The following SLC5A12 variants were observed in gnomAD, a reference collection of about 807,000 sequenced individuals.
SLC5A12 encodes the protein sodium-coupled monocarboxylate transporter 2.
A neutral mutation model predicts 72.7 loss-of-function variants in SLC5A12; 46 were observed. That is an observed-to-expected ratio of 0.63 (90% CI 0.50 to 0.81). The LOEUF is 0.81. SLC5A12 is among the 30% of genes least tolerant of loss of function. SLC5A12 has a pLI of 0.00. For missense variants in SLC5A12, 683 were observed against 740.7 expected (o/e 0.92, Z 0.90); for synonymous variants, 275 against 264.4 (o/e 1.04, Z -0.39).
chr11:26,669,109 T>C lies in SLC5A12; in HGVS notation c.*1993A>G, dbSNP rs1022080508. 5 of 151,538 alleles carry C rather than the reference T, an allele frequency of 3.3e-5. No individual in the cohort carries two copies. Among genetic ancestry groups the C allele is most frequent in the African/African-American group, 1.2e-4 (5 of 41,284 alleles). The allele number at this position is 151,538 out of a possible 1,614,324, so 9.4% of individuals were successfully genotyped here. On this transcript the variant is annotated 3_prime_UTR_variant, in exon 15 of 15. Transcript: ENST00000396005. ...TGTAATACCTACCATTAATTTATTC[T>C]CATCCTCAGAATTGCTGTTTTTTTA...
chr11:26,712,493 A>G lies in SLC5A12; in HGVS notation c.405+148T>C, dbSNP rs962940572. On this transcript the variant is annotated intron_variant, in intron 2 of 14. Transcript: ENST00000396005. The stretch of plus-strand genomic sequence containing the variant: ...CAATATACATTTGTTTGTTATTTTT[A>G]GTACATATTAAAAGTGCTATCTTTG... The G allele has an allele frequency of 8.6e-6, 4 of 463,016 alleles. No individual in the cohort carries two copies. The Admixed American group carries it at 1.2e-4, about 14-fold the overall frequency. 28.7% of individuals were successfully genotyped at this position (463,016 alleles called of 1,614,324 possible).
intron 9 of SLC5A12, 71 bp from the exon 10 acceptor site, chr11:26,686,615 C>T: frequency 7.4e-7 from 1 of 1,342,548 alleles, no homozygotes; most frequent in Non-Finnish European, 1.1e-6. Flanking sequence ...CTTGAGCCCC[C>T]ACTCAGAACT....
chr11:26,670,332 A>T lies in SLC5A12; in HGVS notation c.*770T>A, dbSNP rs896718600. The T allele has an allele frequency of 2.6e-5, 4 of 152,066 alleles. No individual in the cohort carries two copies. The highest frequency in any genetic ancestry group is 9.7e-5 in the African/African-American group (4 of 41,416). 9.4% of individuals were successfully genotyped at this position (152,066 alleles called of 1,614,324 possible). ...CCTTAGCCCTGGAAAAAGGCTCTAGACTTCTTATTGAGCTCTGAGGCAATT... is the reference window on the plus strand; with the variant it reads ...CCTTAGCCCTGGAAAAAGGCTCTAGTCTTCTTATTGAGCTCTGAGGCAATT... On this transcript the variant is annotated 3_prime_UTR_variant, in exon 15 of 15. Coordinates refer to ENST00000396005, the MANE Select transcript of SLC5A12 (RefSeq NM_178498.4).
At position 26,668,644 on chromosome 11, in the gene SLC5A12, T is replaced by C. The variant is rs1854054652; in HGVS notation, c.*2458A>G. ...ATACACTATGGAAGACAGTTTCCTG[T>C]AGATTCCCATCTGCTCTCTACCTGA... is the stretch of plus-strand genomic sequence containing the variant. On this transcript the variant is annotated 3_prime_UTR_variant, in exon 15 of 15. Transcript: ENST00000396005. 2 of 152,022 alleles carry C rather than the reference T, an allele frequency of 1.3e-5. No homozygotes were observed. The highest frequency in any genetic ancestry group is 6.6e-5 in the Admixed American group (1 of 15,228). The allele number at this position is 152,022 out of a possible 1,614,324, so 9.4% of individuals were successfully genotyped here.
chr11:26,691,663 T>C (rs1411132966), intron 9 of SLC5A12: 1 of 152,182 alleles, frequency 6.6e-6, no homozygotes, highest in Non-Finnish European at 1.5e-5. Flanking sequence ...CAAAGTTAGA[T>C]AGATATAATT....
Position 26,706,167 on chromosome 11 carries a change from C to T in SLC5A12, c.526-2220G>A, listed in dbSNP as rs528969440. On this transcript the variant is annotated intron_variant, in intron 4 of 14. Transcript: ENST00000396005. ...CCACAGGCTTAGCAGAGTAAAGAGA[C>T]GGCAATATGAGCAAAGGTGAAGCCT... 2.5e-4 allele frequency among the ~76,000 whole-genome samples: 38 copies of T among 152,032 alleles called. No homozygotes were observed. The South Asian group carries it at 7.5e-3, about 30-fold the overall frequency.
intron 1 of SLC5A12, among the ~76,000 whole-genome samples, chr11:26,718,240 G>T (rs1855397061): frequency 6.6e-6 from 1 of 152,156 alleles, no homozygotes; most frequent in South Asian, 2.1e-4. Flanking sequence ...CTCTTACATA[G>T]TATTTACTAT....
chr11:26,716,394 T>C (rs1855350389), intron 1 of SLC5A12: 1 of 152,208 alleles, frequency 6.6e-6, no homozygotes, highest in African/African-American at 2.4e-5. Context: ...CATAATTCTA[T>C]ATCTGAAAGA....
intron 13 of SLC5A12, among the ~76,000 whole-genome samples, chr11:26,677,607 T>A: frequency 6.6e-6 from 1 of 152,136 alleles, no homozygotes; most frequent in East Asian, 1.9e-4. Context: ...CTGAAACCAT[T>A]TACATAAAGA....
rs766231979 is a variant in SLC5A12, at chr11:26,721,994, C to T, written c.-280G>A. 2.4e-6 allele frequency: 1 copy of T among 417,662 alleles called. No homozygotes were observed. Among genetic ancestry groups the T allele is most frequent in the South Asian group, 3.6e-5 (1 of 27,918 alleles). The allele number at this position is 417,662 out of a possible 1,614,324, so 25.9% of individuals were successfully genotyped here. A position where few individuals can be genotyped will look rare whatever the true frequency, so the allele number is the denominator to read the frequency against. ...TAGCTAAGAGCTGTCTGCTCCTCTC[C>T]TAAAGCATATGCCACAGAGAAGGAA... On this transcript the variant is annotated 5_prime_UTR_variant, in exon 1 of 15. The change abolishes the stop of an existing upstream ORF in the 5' untranslated region. Coordinates refer to ENST00000396005, the MANE Select transcript of SLC5A12 (RefSeq NM_178498.4).
rs185325763 is a variant in SLC5A12 at position 26,721,508 on chromosome 11, C to T, written c.207G>A (p.Gly69=). ...CAAAGCGGTAGACTTCAGAAGGGGTCCCCAGGACCGTGACAGCTGACATGA... is the reference window on the plus strand; with the variant it reads ...CAAAGCGGTAGACTTCAGAAGGGGTTCCCAGGACCGTGACAGCTGACATGA... The part of the protein sequence containing the change: ...ASFMSAVTVL[G]TPSEVYRFGA... The change falls in exon 1 of 15, where the codon GGG becomes GGA. Residue 69 remains glycine, a synonymous_variant. Coordinates refer to ENST00000396005, the MANE Select transcript of SLC5A12 (RefSeq NM_178498.4). The T allele has an allele frequency of 1.2e-6, 2 of 1,614,036 alleles. No individual in the cohort carries two copies. The highest frequency in any genetic ancestry group is 1.7e-6 in the Non-Finnish European group (2 of 1,180,012).
chr11:26,675,838 G>T (rs1854252168), intron 13 of SLC5A12, among the ~76,000 whole-genome samples: 1 of 152,098 alleles, frequency 6.6e-6, no homozygotes, highest in Non-Finnish European at 1.5e-5. Flanking sequence ...TGGAAGTTAG[G>T]AAAGTCAGAT....
chr11:26,720,942 A>G (rs921745006), intron 1 of SLC5A12, among the ~76,000 whole-genome samples: 1 of 152,212 alleles, frequency 6.6e-6, no homozygotes, highest in Non-Finnish European at 1.5e-5. Context: ...TTAGGTTCTC[A>G]GGTCACTTTA....
chr11:26,699,673 A>C (rs545087497), intron 6 of SLC5A12, among the ~76,000 whole-genome samples: 1 of 152,222 alleles, frequency 6.6e-6, no homozygotes, highest in Admixed American at 6.5e-5. Context: ...GCTGTCTCCA[A>C]CCTTCAGGCC....
At position 26,671,235 on chromosome 11, in the gene SLC5A12, C is replaced by A; in HGVS notation, c.1724G>T (p.Gly575Val). The part of the protein sequence containing the change: ...SGTEQENLEN[G>V]SARKQGAESV... ...TTCAGCCCCCTGTTTCCGGGCACTG[C>A]CATTCTCAAGGTTTTCCTGAGGGAA... Residue 575 changes from glycine (G) to valine (V), a missense_variant, in exon 15 of 15, where the codon GGC becomes GTC. Coordinates refer to ENST00000396005, the MANE Select transcript of SLC5A12 (RefSeq NM_178498.4). The A allele has an allele frequency of 6.2e-7, 1 of 1,600,054 alleles. No individual in the cohort carries two copies. Among genetic ancestry groups the A allele is most frequent in the Non-Finnish European group, 8.5e-7 (1 of 1,173,668 alleles).
At chr11:26,722,788 C>A (rs1241886341), upstream of SLC5A12, among the ~76,000 whole-genome samples, 1 of 151,596 alleles carries the variant, frequency 6.6e-6, no homozygotes, top group Non-Finnish European at 1.5e-5. Context: ...ACCTCTAGTG[C>A]AATTTCTAAT....
intron 4 of SLC5A12, among the ~76,000 whole-genome samples, chr11:26,708,291 G>A (rs1235662812): frequency 6.6e-6 from 1 of 151,970 alleles, no homozygotes; most frequent in Non-Finnish European, 1.5e-5. Context: ...TCTATTATAT[G>A]AGGTCAGAGG....
At chr11:26,713,950 T>C (rs1855289877) in intron 1 of SLC5A12, among the ~76,000 whole-genome samples, 2 of 152,112 alleles carry the variant, frequency 1.3e-5, no homozygotes, top group Non-Finnish European at 2.9e-5. Flanking sequence ...TACAGTTACA[T>C]TGCCTTTTCT....
At chr11:26,692,936 G>T (rs1590721957) in intron 8 of SLC5A12, among the ~76,000 whole-genome samples, 1 of 152,162 alleles carries the variant, frequency 6.6e-6, no homozygotes, top group Non-Finnish European at 1.5e-5. Flanking sequence ...TGTGTGTTCA[G>T]GTTGGAGTGG....
Sources: allele counts gnomAD v4.1 joint callset (sites outside exome capture counted in the v4.1 genomes callset), GRCh38; gene constraint gnomAD v4.1.1; transcripts MANE v1.5; gene names NCBI Gene and HGNC (gene_info 2026-07-23, HGNC 2026-07-21).